Variants in CFAP58 observed in about 807,000 individuals in gnomAD.
CFAP58 encodes cilia and flagella associated protein 58, also known as cilia- and flagella-associated protein 58.
CFAP58 carries 88 observed loss-of-function variants against 119.5 expected under a neutral mutation model. The observed-to-expected ratio is 0.74, with a 90% confidence interval of 0.62 to 0.88. CFAP58 has a LOEUF of 0.88. Ranked by LOEUF, CFAP58 falls within the 40% of genes least tolerant of loss-of-function variation. The probability of loss-of-function intolerance (pLI) is 0.00; values close to 1 mark genes in which losing one functional copy is unlikely to be tolerated. For missense variants in CFAP58, 990 were observed against 1,021.2 expected (o/e 0.97, Z 0.42); for synonymous variants, 365 against 366.3 (o/e 1.00, Z 0.04).
chr10:104,376,502 CA>C (rs1282859666), intron 7 of CFAP58, among the ~76,000 whole-genome samples: 2,220 of 48,276 alleles, frequency 0.046, 38 homozygotes, highest in African/African-American at 0.13. Flanking sequence ...AACTCCGTCT[CA>C]AAAAAAAAAA....
intron 15 of CFAP58, among the ~76,000 whole-genome samples, chr10:104,428,040 T>A (rs2012778558): frequency 6.6e-6 from 1 of 152,182 alleles, no homozygotes; most frequent in Non-Finnish European, 1.5e-5. Context: ...ATTCCTTGCT[T>A]AGATAAAATT....
At chr10:104,439,659 T>C (rs1282858937) in intron 15 of CFAP58, among the ~76,000 whole-genome samples, 1 of 152,020 alleles carries the variant, frequency 6.6e-6, no homozygotes, top group African/African-American at 2.4e-5. Flanking sequence ...GAGTTGTGAT[T>C]GTGCGACTGC....
chr10:104,433,540 G>C (rs2012883432), intron 15 of CFAP58, among the ~76,000 whole-genome samples: 1 of 152,162 alleles, frequency 6.6e-6, no homozygotes. Flanking sequence ...AGGAGAACCT[G>C]CTCAGATCAG....
intron 7 of CFAP58, among the ~76,000 whole-genome samples, chr10:104,375,259 A>C (rs954233105): frequency 2.7e-5 from 4 of 150,560 alleles, no homozygotes; most frequent in Non-Finnish European, 4.4e-5. Flanking sequence ...TGTATTTATA[A>C]ATATATTTAT....
upstream of CFAP58, chr10:104,351,483 A>G (rs1375414013): frequency 6.6e-6 from 1 of 152,232 alleles, no homozygotes; most frequent in East Asian, 1.9e-4. Flanking sequence ...ACCCACAGTG[A>G]CAAAACCTTG....
At chr10:104,437,980 A>G (rs2012961418) in intron 15 of CFAP58, among the ~76,000 whole-genome samples, 2 of 152,226 alleles carry the variant, frequency 1.3e-5, no homozygotes, top group African/African-American at 4.8e-5. Context: ...AAAAAATACT[A>G]TATGTGAACA....
chr10:104,372,708 T>G (rs2014840645), intron 7 of CFAP58, among the ~76,000 whole-genome samples: 1 of 152,254 alleles, frequency 6.6e-6, no homozygotes, highest in Admixed American at 6.5e-5. Context: ...ACTTCCATAT[T>G]TAAATTTCTG....
rs967420341 is a variant in CFAP58 at position 104,413,339 on chromosome 10, C to T, written c.2256+6546C>T. Among the ~76,000 whole-genome samples, 13 of 152,136 alleles carry T rather than the reference C, an allele frequency of 8.5e-5. No individual in the cohort carries two copies. The East Asian group carries it at 2.1e-3, about 25-fold the overall frequency. ...GTTTGTGGAGGCAGGCTGATTCATG[C>T]GGGTCTGTCAAAGTTCTTCCCTTGC... On this transcript the variant is annotated intron_variant, in intron 15 of 17. Coordinates refer to ENST00000369704, the MANE Select transcript of CFAP58 (RefSeq NM_001008723.2).
chr10:104,436,530 G>A (rs1373329355), intron 15 of CFAP58, among the ~76,000 whole-genome samples: 1 of 152,054 alleles, frequency 6.6e-6, no homozygotes, highest in Non-Finnish European at 1.5e-5. Context: ...AGCGGGAGTA[G>A]GCACCGCACA....
At position 104,360,503 on chromosome 10, in the gene CFAP58, G is replaced by T. The variant is rs186362064; in HGVS notation, c.292-1520G>T. On this transcript the variant is annotated intron_variant, in intron 2 of 17. Transcript: ENST00000369704. ...CACTTTTTAAAAAAAACTTTTAAGTGCAGGGGTACATGTGCAGGATGTTAC... is the reference window on the plus strand; with the variant it reads ...CACTTTTTAAAAAAAACTTTTAAGTTCAGGGGTACATGTGCAGGATGTTAC... 1.3e-3 allele frequency among the ~76,000 whole-genome samples: 203 copies of T among 152,190 alleles called. 2 individuals are homozygous for T. The highest frequency in any genetic ancestry group is 2.7e-3 in the Non-Finnish European group (186 of 67,990).
At chr10:104,396,404 GA>G (rs2012158029) in intron 11 of CFAP58, among the ~76,000 whole-genome samples, 1 of 93,190 alleles carries the variant, frequency 1.1e-5, no homozygotes, top group Non-Finnish European at 2.2e-5. Flanking sequence ...GAGAGAGAGA[GA>G]GAGAGAGAGA....
intron 15 of CFAP58, among the ~76,000 whole-genome samples, chr10:104,412,599 A>C (rs1262042451): frequency 6.6e-6 from 1 of 152,208 alleles, no homozygotes; most frequent in Non-Finnish European, 1.5e-5. Context: ...CTCACAATAG[A>C]ATATTTTGCA....
intron 15 of CFAP58, among the ~76,000 whole-genome samples, chr10:104,408,083 T>C (rs2012394547): frequency 6.6e-6 from 1 of 152,330 alleles, no homozygotes; most frequent in Non-Finnish European, 1.5e-5. Context: ...TCCTTCTGTT[T>C]TACAGTCTAC....
At chr10:104,414,151 A>G (rs1189615676) in intron 15 of CFAP58, among the ~76,000 whole-genome samples, 1 of 152,190 alleles carries the variant, frequency 6.6e-6, no homozygotes, top group Non-Finnish European at 1.5e-5. Flanking sequence ...ATCCCACCCC[A>G]GCTAATGGCA....
intron 1 of CFAP58, among the ~76,000 whole-genome samples, chr10:104,354,551 C>T (rs1417631054): frequency 1.3e-5 from 2 of 151,994 alleles, no homozygotes; most frequent in Admixed American, 6.5e-5. Context: ...GCCCCTTAGC[C>T]CCCTCACGTA....
Position 104,364,467 on chromosome 10 carries a change from C to CAT in CFAP58, c.441-265_441-264insTA, listed in dbSNP as rs544912724. ...ACACACACACACACACACACACACA[C>CAT]ACACTCTCACACGCATGAATAGACA... On this transcript the variant is annotated intron_variant, in intron 3 of 17. Transcript: ENST00000369704. Among the ~76,000 whole-genome samples, 682 of 151,676 alleles carry CAT rather than the reference C, an allele frequency of 4.5e-3. 1 individual carries two copies. The highest frequency in any genetic ancestry group is 0.015 in the African/African-American group (617 of 41,304).
Position 104,368,849 on chromosome 10 carries a change from C to G in CFAP58, c.930+289C>G, listed in dbSNP as rs1429340014. ...AACTAGCTTTGCAAGAAACCAGTTG[C>G]TCAAATCTAGCAATCCATTCACACG... is the stretch of plus-strand genomic sequence containing the variant. On this transcript the variant is annotated intron_variant, in intron 6 of 17. Transcript: ENST00000369704. 2.3e-4 allele frequency among the ~76,000 whole-genome samples: 35 copies of G among 152,150 alleles called. 1 individual carries two copies. Among genetic ancestry groups the G allele is most frequent in the Admixed American group, 2.3e-3 (35 of 15,274 alleles).
At chr10:104,390,326 A>G (rs977057260) in intron 9 of CFAP58, among the ~76,000 whole-genome samples, 3 of 152,220 alleles carry the variant, frequency 2.0e-5, no homozygotes, top group Non-Finnish European at 1.5e-5. Flanking sequence ...GATGATTTCT[A>G]CAAGGTATTA....
intron 6 of CFAP58, among the ~76,000 whole-genome samples, 200 bp downstream of exon 6, chr10:104,368,760 C>T (rs2014786070): frequency 6.6e-6 from 1 of 152,182 alleles, no homozygotes; most frequent in South Asian, 2.1e-4. Context: ...AAATTGCAAA[C>T]CTGATTATTG....
Sources: gnomAD v4.1 joint callset for allele counts (sites outside exome capture counted in the v4.1 genomes callset) on GRCh38, gnomAD v4.1.1 for gene constraint, MANE v1.5 for transcripts, NCBI Gene and HGNC (gene_info 2026-07-23, HGNC 2026-07-21) for gene names.